The following SLC6A4 variants were observed in gnomAD, a reference collection of about 807,000 sequenced individuals.
The protein encoded by SLC6A4 is sodium-dependent serotonin transporter.
In SLC6A4, 22 loss-of-function variants were observed where a neutral mutation model predicts 73.4. That is an observed-to-expected ratio of 0.30 (90% confidence interval 0.21 to 0.43). SLC6A4 has a LOEUF of 0.43. Among genes scored for constraint, SLC6A4 ranks in the 20% least tolerant of loss-of-function variants. The pLI is 1.00. For missense variants in SLC6A4, 593 were observed against 808.5 expected (o/e 0.73, Z 3.23); for synonymous variants, 270 against 315.5 (o/e 0.86, Z 1.53).
chr17:30,210,618 G>C lies in SLC6A4; in HGVS notation c.1346C>G (p.Ala449Gly), dbSNP rs199890537. The C allele has an allele frequency of 1.5e-5, 25 of 1,613,300 alleles. No homozygotes were observed. The highest frequency in any genetic ancestry group is 1.9e-5 in the Non-Finnish European group (23 of 1,179,712). ...GACGTGTGGGAACTCATCCAGCACA[G>C]CCGTGATCACCCCCTCCAAGCCTGC... ...TFAGLEGVIT[A>G]VLDEFPHVWA... Residue 449 changes from alanine (A) to glycine (G), a missense_variant, in exon 11 of 15, where the codon GCT becomes GGT. Transcript: ENST00000650711.
At chr17:30,217,872 G>A (rs894714076) in intron 5 of SLC6A4, among the ~76,000 whole-genome samples, 2 of 152,186 alleles carry the variant, frequency 1.3e-5, no homozygotes, top group African/African-American at 4.8e-5. Context: ...AGGGAGGGAC[G>A]GGCTTGGGCG....
In SLC6A4 at chr17:30,222,891, C is replaced by G; in HGVS notation, c.-196G>C. The stretch of plus-strand genomic sequence containing the variant: ...TTGTTATTCTGCAAGAGAGGGCAAG[C>G]AAGGTCGCCTTGCCTCCAGGAGACC... On this transcript the variant is annotated 5_prime_UTR_variant, in exon 2 of 15. Transcript: ENST00000650711. The G allele has an allele frequency of 7.8e-7, 1 of 1,277,596 alleles. No homozygotes were observed. The highest frequency in any genetic ancestry group is 2.3e-5 in the Admixed American group (1 of 43,536). 79.1% of individuals were successfully genotyped at this position (1,277,596 alleles called of 1,614,324 possible). A position where few individuals can be genotyped will look rare whatever the true frequency, so the allele number is the denominator to read the frequency against.
chr17:30,222,625 G>GT (rs1906802460), intron 2 of SLC6A4, among the ~76,000 whole-genome samples, 194 bp downstream of exon 2: 1 of 152,186 alleles, frequency 6.6e-6, no homozygotes, highest in Non-Finnish European at 1.5e-5. Flanking sequence ...AAGGACAGAG[G>GT]TAAAAAGGCC....
chr17:30,199,824 CAT>C (rs1034989800), intron 14 of SLC6A4, among the ~76,000 whole-genome samples: 3 of 152,080 alleles, frequency 2.0e-5, no homozygotes, highest in Non-Finnish European at 4.4e-5. Flanking sequence ...CACAGACTAA[CAT>C]GTGAACTATA....
At chr17:30,200,860 C>A (rs1438432551) in intron 14 of SLC6A4, among the ~76,000 whole-genome samples, 1 of 152,152 alleles carries the variant, frequency 6.6e-6, no homozygotes, top group Non-Finnish European at 1.5e-5. Flanking sequence ...CAGCTCACTG[C>A]AATCTCTGCC....
intron 13 of SLC6A4, 57 bp downstream of exon 13, chr17:30,207,675 T>G: frequency 8.7e-7 from 1 of 1,147,740 alleles, no homozygotes. Context: ...TCATTTTTTA[T>G]GTGTCTGGGG....
chr17:30,230,131 G>GGAA (rs1567824252), intron 1 of SLC6A4, among the ~76,000 whole-genome samples: 1 of 147,278 alleles, frequency 6.8e-6, no homozygotes, highest in African/African-American at 2.7e-5. Context: ...AAGAGGAGGA[G>GGAA]GAGGAGGAGG....
chr17:30,203,508 T>A, intron 13 of SLC6A4, 169 bp from the exon 14 acceptor site: 3 of 620,272 alleles, frequency 4.8e-6, no homozygotes, highest in Non-Finnish European at 8.3e-6. Context: ...CCAACTTCTG[T>A]ACCCAAGCTG....
intron 1 of SLC6A4, among the ~76,000 whole-genome samples, chr17:30,226,071 A>G (rs1341580794): frequency 6.6e-6 from 1 of 152,240 alleles, no homozygotes; most frequent in African/African-American, 2.4e-5. Context: ...AAGCAGAAAG[A>G]CACTACAGAA....
chr17:30,231,076 A>G (rs935081666), intron 1 of SLC6A4, among the ~76,000 whole-genome samples: 5 of 152,138 alleles, frequency 3.3e-5, no homozygotes, highest in Non-Finnish European at 7.3e-5. Context: ...CATCATTGAG[A>G]CAGCGGGGGA....
Position 30,221,774 on chromosome 17 carries a change from G to C in SLC6A4, c.185C>G (p.Ser62Cys), listed in dbSNP as rs201041934. 7.4e-6 allele frequency: 12 copies of C among 1,614,076 alleles called. No individual in the cohort carries two copies. Among genetic ancestry groups the C allele is most frequent in the Admixed American group, 3.3e-5 (2 of 60,016 alleles). The change falls in exon 3 of 15, where the codon TCT becomes TGT. Residue 62 changes from serine (S) to cysteine (C), a missense_variant. Ser to Cys is a moderately radical substitution (Grantham distance 112). Transcript: ENST00000650711. ...TAGGGTGGTGGTGGTCGCTGGGATA[G>C]AGTGCCGTGTGTCATCTCCCGCACC... ...SPGAGDDTRH[S>C]IPATTTTLVA...
At position 30,195,818 on chromosome 17, in the gene SLC6A4, A is replaced by AT. The variant is rs11367656; in HGVS notation, c.*2637dup. On this transcript the variant is annotated 3_prime_UTR_variant, in exon 15 of 15. Transcript: ENST00000650711. ...TCTTTCCATGGAACTAAGCATAACA[A>AT]TTTTTTTTTTTTTTTTTGAGACGGA... is the stretch of plus-strand genomic sequence containing the variant. The AT allele has an allele frequency of 4.4e-3, 617 of 139,050 alleles. 2 individuals are homozygous for AT. The highest frequency in any genetic ancestry group is 5.1e-3 in the Non-Finnish European group (327 of 63,848). 8.6% of individuals were successfully genotyped at this position (139,050 alleles called of 1,614,324 possible). A position where few individuals can be genotyped will look rare whatever the true frequency, so the allele number is the denominator to read the frequency against.
In SLC6A4 at chr17:30,211,967, G is replaced by C. The variant is rs1359875516; in HGVS notation, c.1205-543C>G. Among the ~76,000 whole-genome samples the C allele has an allele frequency of 1.3e-5, 2 of 152,082 alleles. No individual in the cohort carries two copies. Among genetic ancestry groups the C allele is most frequent in the Non-Finnish European group, 2.9e-5 (2 of 68,020 alleles). On this transcript the variant is annotated intron_variant, in intron 9 of 14. Transcript: ENST00000650711. This position sits in a 1 kb window ranked among gnomAD's most constrained non-coding sequence, Gnocchi z 4.0. ...GGTTAGCTAGGGGTGCCCTCGTTTGGGGTATGGGGTTGGTCAAAGCACCGA... is the reference window on the plus strand; with the variant it reads ...GGTTAGCTAGGGGTGCCCTCGTTTGCGGTATGGGGTTGGTCAAAGCACCGA...
rs749470382 is a variant in SLC6A4, at chr17:30,203,273, A to C, written c.1717T>G (p.Trp573Gly). ...LRLFQYNYPY[W>G]SIILGYCIGT... ...ATGCAGTAACCCAAGATGATACTCCAGTAAGGATAATTATATTGGAAAAGT... is the reference window on the plus strand; with the variant it reads ...ATGCAGTAACCCAAGATGATACTCCCGTAAGGATAATTATATTGGAAAAGT... The change falls in exon 14 of 15, where the codon TGG (tryptophan) becomes GGG (glycine). Residue 573 changes from tryptophan (W) to glycine (G), a missense_variant. Coordinates refer to ENST00000650711, the MANE Select transcript of SLC6A4 (RefSeq NM_001045.6). 5.6e-6 allele frequency: 9 copies of C among 1,613,886 alleles called. No homozygotes were observed. The highest frequency in any genetic ancestry group is 7.6e-6 in the Non-Finnish European group (9 of 1,179,738).
In SLC6A4 at chr17:30,209,236, C is replaced by A; in HGVS notation, c.1456G>T (p.Ala486Ser). The A allele has an allele frequency of 3.7e-6, 6 of 1,610,384 alleles. No homozygotes were observed. The highest frequency in any genetic ancestry group is 5.1e-6 in the Non-Finnish European group (6 of 1,177,380). ...GSLVTLTFGG[A>S]YVVKLLEEYA... ...TCCTCCAGCAGCTTCACCACGTAGG[C>A]CCCTCCCTGGAGGGGAGAGCAGAGC... The change falls in exon 12 of 15, where the codon GCC (alanine) becomes TCC (serine). Residue 486 changes from alanine (A) to serine (S), a missense_variant. Transcript: ENST00000650711.
intron 1 of SLC6A4, among the ~76,000 whole-genome samples, chr17:30,226,104 G>A (rs1906917179): frequency 6.6e-6 from 1 of 152,216 alleles, no homozygotes; most frequent in African/African-American, 2.4e-5. Context: ...GACTTCATGT[G>A]TCAAGATCAA....
Position 30,235,314 on chromosome 17 carries a change from C to G in SLC6A4, c.-221+299G>C, listed in dbSNP as rs2143017027. Among the ~76,000 whole-genome samples, 1 of 152,328 alleles carries G rather than the reference C, an allele frequency of 6.6e-6. No homozygotes were observed. Among genetic ancestry groups the G allele is most frequent in the Admixed American group, 6.5e-5 (1 of 15,302 alleles). ...TCAAGACCCTCTTTAAGGGGTCTTTCACGGGTCCTCAAGAGGTTGCAAAGC... is the reference window on the plus strand; with the variant it reads ...TCAAGACCCTCTTTAAGGGGTCTTTGACGGGTCCTCAAGAGGTTGCAAAGC... On this transcript the variant is annotated intron_variant, in intron 1 of 14. Transcript: ENST00000650711. The surrounding 1 kb of genome is among the most constrained non-coding windows in gnomAD (Gnocchi z 4.5).
At position 30,217,586 on chromosome 17, in the gene SLC6A4, CT is replaced by C. The variant is rs1318852498; in HGVS notation, c.699-283del. On this transcript the variant is annotated intron_variant, in intron 5 of 14. Coordinates refer to ENST00000650711, the MANE Select transcript of SLC6A4 (RefSeq NM_001045.6). ...GAACTCCTTTGACCAATGTGACTGGCTTTTGGGAACATGAGGGATGTGTAAG... is the reference window on the plus strand; with the variant it reads ...GAACTCCTTTGACCAATGTGACTGGCTTTGGGAACATGAGGGATGTGTAAG... Among the ~76,000 whole-genome samples the C allele has an allele frequency of 4.6e-5, 7 of 152,304 alleles. No individual in the cohort carries two copies. The East Asian group carries it at 1.4e-3, about 29-fold the overall frequency.
intron 1 of SLC6A4, among the ~76,000 whole-genome samples, chr17:30,224,648 G>A (rs900413864): frequency 3.3e-5 from 5 of 152,204 alleles, no homozygotes; most frequent in Non-Finnish European, 7.3e-5. Context: ...AGGGTCTACG[G>A]AAGGGAAATG....
Sources: gnomAD v4.1 joint callset for allele counts (sites outside exome capture counted in the v4.1 genomes callset) on GRCh38, gnomAD v4.1.1 for gene constraint, Gnocchi (gnomAD v3.1) non-coding constraint, MANE v1.5 for transcripts, NCBI Gene and HGNC (gene_info 2026-07-23, HGNC 2026-07-21) for gene names.